The following TSC22D1 variants were observed in gnomAD, a reference collection of about 807,000 sequenced individuals.
TSC22D1 encodes the protein TSC22 domain family member 1.
A neutral mutation model predicts 74.2 loss-of-function variants in TSC22D1; 9 were observed. That is an observed-to-expected ratio of 0.12 (90% CI 0.07 to 0.21). The LOEUF (loss-of-function observed/expected upper bound fraction) is 0.21. Among genes scored for constraint, TSC22D1 ranks in the 10% least tolerant of loss-of-function variants. TSC22D1 has a pLI of 1.00. For synonymous variants in TSC22D1, 586 were observed against 492.5 expected (o/e 1.19, Z -2.51); for missense variants, 1,427 against 1,304.7 (o/e 1.09, Z -1.44).
chr13:44,455,492 A>G (rs529469719), intron 1 of TSC22D1, among the ~76,000 whole-genome samples: 1 of 152,356 alleles, frequency 6.6e-6, no homozygotes, highest in South Asian at 2.1e-4. Context: ...TCTGCACTTA[A>G]TAGCAATAGG....
intron 1 of TSC22D1, among the ~76,000 whole-genome samples, chr13:44,490,207 G>A (rs537650781): frequency 2.4e-4 from 36 of 152,084 alleles, no homozygotes; most frequent in African/African-American, 8.0e-4. Context: ...TATTGAACAC[G>A]GAAGATAAGA....
intron 1 of TSC22D1, among the ~76,000 whole-genome samples, chr13:44,485,703 T>C (rs1309041591): frequency 6.6e-6 from 1 of 152,096 alleles, no homozygotes; most frequent in Non-Finnish European, 1.5e-5. Context: ...AGAAAAATAC[T>C]CCATTAGAAA....
At chr13:44,488,096 A>C (rs1196398947) in intron 1 of TSC22D1, among the ~76,000 whole-genome samples, 1 of 152,196 alleles carries the variant, frequency 6.6e-6, no homozygotes, top group Non-Finnish European at 1.5e-5. Flanking sequence ...AACATAAAAG[A>C]TATCTACCAA....
In TSC22D1 at chr13:44,574,446, C is replaced by G. The variant is rs186945237; in HGVS notation, c.1629G>C (p.Gln543His). Residue 543 changes from glutamine to histidine, a missense_variant, in exon 1 of 3, where the codon CAG (glutamine) becomes CAC (histidine). Physicochemically the swap from Gln to His is conservative, Grantham distance 24. Around this residue, in one of 3 missense-constraint regions of TSC22D1, gnomAD observed 1,343 missense variants for 1,191.5 expected, o/e 1.13. Coordinates refer to ENST00000458659, the MANE Select transcript of TSC22D1 (RefSeq NM_183422.4). ...VSIPQSISQS[Q>H]ISQVQLQSQE... ...GAGACTGTAATTGTACTTGTGAGAT[C>G]TGTGACTGAGAAATACTCTGTGGTA... The G allele has an allele frequency of 1.2e-5, 20 of 1,614,228 alleles. No individual in the cohort carries two copies. The highest frequency in any genetic ancestry group is 2.2e-5 in the East Asian group (1 of 44,888).
intron 1 of TSC22D1, among the ~76,000 whole-genome samples, chr13:44,565,394 G>A (rs1377287567): frequency 6.6e-6 from 1 of 152,086 alleles, no homozygotes; most frequent in Non-Finnish European, 1.5e-5. Flanking sequence ...AGGCCTAATC[G>A]TGCTGAAAGG....
At chr13:44,457,502 G>A (rs1458192390) in intron 1 of TSC22D1, among the ~76,000 whole-genome samples, 5 of 151,994 alleles carry the variant, frequency 3.3e-5, no homozygotes, top group African/African-American at 9.7e-5. Context: ...CATGTTGTGG[G>A]CCTTCACAAA....
intron 2 of TSC22D1, chr13:44,435,105 C>G (rs1358444201): frequency 2.1e-6 from 1 of 477,902 alleles, no homozygotes; most frequent in Non-Finnish European, 3.6e-6. Flanking sequence ...TGCTTCTCTG[C>G]AGACGTTGGC....
At chr13:44,540,957 G>A (rs571232956) in intron 1 of TSC22D1, among the ~76,000 whole-genome samples, 25 of 152,240 alleles carry the variant, frequency 1.6e-4, no homozygotes, top group African/African-American at 6.0e-4. Context: ...AAGGTGCTGC[G>A]TATCCTTGTT....
chr13:44,508,172 A>G (rs577502629), intron 1 of TSC22D1, among the ~76,000 whole-genome samples: 1 of 152,310 alleles, frequency 6.6e-6, no homozygotes, highest in South Asian at 2.1e-4. Flanking sequence ...CAGACTTCCC[A>G]TTCTTCCTAT....
Position 44,576,186 on chromosome 13 carries a change from G to C in TSC22D1, c.-112C>G. On this transcript the variant is annotated 5_prime_UTR_variant, in exon 1 of 3. In the 5' UTR this introduces an upstream ATG that the reference lacks. Coordinates refer to ENST00000458659, the MANE Select transcript of TSC22D1 (RefSeq NM_183422.4). ...CGGGACCTGACGCTCCGCCTGGCGC[G>C]ATTCCTCCTTCTCCTCCTCCTCAGC... is the stretch of plus-strand genomic sequence containing the variant. 1 of 1,382,046 alleles carries C rather than the reference G, an allele frequency of 7.2e-7. No homozygotes were observed. The highest frequency in any genetic ancestry group is 9.5e-7 in the Non-Finnish European group (1 of 1,054,404). 85.6% of individuals were successfully genotyped at this position (1,382,046 alleles called of 1,614,324 possible).
At chr13:44,525,908 T>C (rs1477336275) in intron 1 of TSC22D1, among the ~76,000 whole-genome samples, 5 of 151,566 alleles carry the variant, frequency 3.3e-5, no homozygotes, top group Non-Finnish European at 1.5e-5. Context: ...TTGAACCTAG[T>C]CTGGACAACA....
chr13:44,441,079 A>G (rs975048755), intron 1 of TSC22D1, among the ~76,000 whole-genome samples: 1 of 152,194 alleles, frequency 6.6e-6, no homozygotes, highest in African/African-American at 2.4e-5. Flanking sequence ...TCAAGAAAAA[A>G]GGCAGGCATG....
chr13:44,486,994 T>A (rs1878457309), intron 1 of TSC22D1, among the ~76,000 whole-genome samples: 1 of 152,072 alleles, frequency 6.6e-6, no homozygotes, highest in South Asian at 2.1e-4. Flanking sequence ...AGGTAGAGGA[T>A]TATAAACTTA....
intron 1 of TSC22D1, among the ~76,000 whole-genome samples, chr13:44,482,273 G>C (rs1193362783): frequency 6.6e-6 from 1 of 152,124 alleles, no homozygotes; most frequent in Admixed American, 6.6e-5. Flanking sequence ...AGTGGCTCAC[G>C]CCTGTAATCC....
rs1285079591 is a variant in TSC22D1 at position 44,468,875 on chromosome 13, CAT to C, written c.2913-32782_2913-32781del. On this transcript the variant is annotated intron_variant, in intron 1 of 2. Coordinates refer to ENST00000458659, the MANE Select transcript of TSC22D1 (RefSeq NM_183422.4). The stretch of plus-strand genomic sequence containing the variant: ...TAACAAAAATAGAAATTTTATATAA[CAT>C]AGTTTTTTCTTAACCTCACCTAGCA... Among the ~76,000 whole-genome samples, 4 of 133,536 alleles carry C rather than the reference CAT, an allele frequency of 3.0e-5. 1 individual carries two copies. Among genetic ancestry groups the C allele is most frequent in the Non-Finnish European group, 7.1e-5 (4 of 56,712 alleles). 87.6% of individuals were successfully genotyped at this position (133,536 alleles called of 152,430 possible).
At chr13:44,467,118 C>T (rs185850119) in intron 1 of TSC22D1, among the ~76,000 whole-genome samples, 18 of 151,766 alleles carry the variant, frequency 1.2e-4, no homozygotes, top group African/African-American at 4.1e-4. Flanking sequence ...GCCAAGATCA[C>T]GCCACTGTAC....
chr13:44,436,607 G>GTCT, intron 1 of TSC22D1: 1 of 1,609,430 alleles, frequency 6.2e-7, no homozygotes, highest in Non-Finnish European at 8.5e-7. Flanking sequence ...ATCGCCACTG[G>GTCT]TCTACACCAT....
chr13:44,473,017 A>C (rs944803721), intron 1 of TSC22D1, among the ~76,000 whole-genome samples: 1 of 152,224 alleles, frequency 6.6e-6, no homozygotes, highest in African/African-American at 2.4e-5. Context: ...CACGTCTTAC[A>C]TAGATGGCAG....
chr13:44,574,801 G>A lies in TSC22D1; in HGVS notation c.1274C>T (p.Thr425Ile), dbSNP rs775227298. 6.2e-7 allele frequency: 1 copy of A among 1,614,094 alleles called. No homozygotes were observed. Among genetic ancestry groups the A allele is most frequent in the Non-Finnish European group, 8.5e-7 (1 of 1,180,038 alleles). The change falls in exon 1 of 3, where the codon ACT becomes ATT. Residue 425 changes from threonine (T) to isoleucine (I), a missense_variant. Coordinates refer to ENST00000458659, the MANE Select transcript of TSC22D1 (RefSeq NM_183422.4). ...TTCTTTTTCATAGAACTCAGTGCAA[G>A]TCCATCTACCTTTTTTAAAGGGCTC... The part of the protein sequence containing the change: ...SSEPFKKGRW[T>I]CTEFYEKENA...
Sources: allele counts gnomAD v4.1 joint callset (sites outside exome capture counted in the v4.1 genomes callset), GRCh38; gene constraint gnomAD v4.1.1; regional missense constraint gnomAD v4.1.1; transcripts MANE v1.5; gene names NCBI Gene and HGNC (gene_info 2026-07-23, HGNC 2026-07-21).